Variants in CNTN4 observed in about 807,000 individuals in gnomAD.
CNTN4 encodes contactin 4.
A neutral mutation model predicts 122.5 loss-of-function variants in CNTN4; 77 were observed. That is an observed-to-expected ratio of 0.63 (90% CI 0.52 to 0.76). The LOEUF (loss-of-function observed/expected upper bound fraction) is 0.76. Ranked by LOEUF, CNTN4 falls within the 30% of genes least tolerant of loss-of-function variation. The probability of loss-of-function intolerance (pLI) is 0.00; values close to 1 mark genes in which losing one functional copy is unlikely to be tolerated. For synonymous variants in CNTN4, 512 were observed against 447.0 expected (o/e 1.15, Z -1.83); for missense variants, 1,256 against 1,259.1 (o/e 1.00, Z 0.04).
chr3:2,641,115 C>A (rs2082878222), intron 4 of CNTN4, among the ~76,000 whole-genome samples: 2 of 152,070 alleles, frequency 1.3e-5, no homozygotes, highest in African/African-American at 4.8e-5. Context: ...ATGCTATATA[C>A]AACTTCAACT....
chr3:2,099,564 TG>T (rs1418123465), intron 1 of CNTN4: 1 of 153,690 alleles, frequency 6.5e-6, no homozygotes, highest in Admixed American at 6.5e-5. Flanking sequence ...GGCTGATGTC[TG>T]TGGCGCCCGC....
intron 9 of CNTN4, 89 bp downstream of exon 9, chr3:2,883,336 G>A (rs1189483205): frequency 9.5e-6 from 9 of 951,094 alleles, no homozygotes; most frequent in African/African-American, 3.3e-5. Context: ...GATGGTTTCT[G>A]AGGTGACGGA....
chr3:2,632,104 G>GTATGTA (rs1553597844), intron 4 of CNTN4, among the ~76,000 whole-genome samples: 2 of 150,370 alleles, frequency 1.3e-5, no homozygotes, highest in African/African-American at 2.4e-5. Flanking sequence ...ATGTATGTAT[G>GTATGTA]TATATATATA....
intron 3 of CNTN4, among the ~76,000 whole-genome samples, chr3:2,464,597 G>T (rs766319266): frequency 6.6e-6 from 1 of 152,134 alleles, no homozygotes; most frequent in South Asian, 2.1e-4. Flanking sequence ...GATCACAATC[G>T]CCTGGGGACG....
intron 7 of CNTN4, among the ~76,000 whole-genome samples, chr3:2,830,746 T>C (rs902760243): frequency 4.6e-5 from 7 of 152,296 alleles, no homozygotes; most frequent in Admixed American, 1.3e-4. Context: ...CTGCTGGAAA[T>C]ATACCCTGTG....
intron 2 of CNTN4, among the ~76,000 whole-genome samples, chr3:2,187,620 C>T (rs556156677): frequency 5.3e-5 from 8 of 152,200 alleles, no homozygotes; most frequent in Admixed American, 3.3e-4. Context: ...TGCCGGGTTC[C>T]GTCTTAGTTG....
intron 2 of CNTN4, among the ~76,000 whole-genome samples, chr3:2,178,326 A>G (rs1196526196): frequency 6.6e-6 from 1 of 152,106 alleles, no homozygotes; most frequent in Non-Finnish European, 1.5e-5. Flanking sequence ...TCAAAGAATT[A>G]TAGAAACGTT....
At chr3:2,920,859 GGAA>G (rs937962439) in intron 12 of CNTN4, among the ~76,000 whole-genome samples, 12 of 152,086 alleles carry the variant, frequency 7.9e-5, no homozygotes, top group Admixed American at 2.6e-4. Flanking sequence ...AGCTGCCCGT[GGAA>G]GAAGCATTAT....
At chr3:2,300,636 G>T (rs188146271) in intron 2 of CNTN4, among the ~76,000 whole-genome samples, 1 of 132,226 alleles carries the variant, frequency 7.6e-6, no homozygotes, top group African/African-American at 2.9e-5. Context: ...CAGTGGCACA[G>T]TCTCGGCTCA....
chr3:2,668,874 T>C (rs1011224865), intron 4 of CNTN4, among the ~76,000 whole-genome samples: 14 of 152,224 alleles, frequency 9.2e-5, no homozygotes, highest in African/African-American at 3.4e-4. Flanking sequence ...GTTGGTTCTG[T>C]TTATATGCTG....
rs2094359417 is a variant in CNTN4, at chr3:2,916,625, C to CT, written c.1208-9003dup. Among the ~76,000 whole-genome samples, 2 of 123,206 alleles carry CT rather than the reference C, an allele frequency of 1.6e-5. 1 individual carries two copies. The highest frequency in any genetic ancestry group is 3.5e-5 in the Non-Finnish European group (2 of 57,834). The allele number at this position is 123,206 out of a possible 152,430, so 80.8% of individuals were successfully genotyped here. A position where few individuals can be genotyped will look rare whatever the true frequency, so the allele number is the denominator to read the frequency against. ...CTTTCTACACAGACACAGCAACAAT[C>CT]TGATTTCTCTTTCCTTTCCCCACAC... is the stretch of plus-strand genomic sequence containing the variant. On this transcript the variant is annotated intron_variant, in intron 12 of 24. Transcript: ENST00000418658.
At chr3:2,229,529 T>C (rs2039406567) in intron 2 of CNTN4, among the ~76,000 whole-genome samples, 2 of 152,206 alleles carry the variant, frequency 1.3e-5, no homozygotes. Flanking sequence ...CGAATATTCA[T>C]ATAGTTACGT....
intron 6 of CNTN4, among the ~76,000 whole-genome samples, chr3:2,762,142 C>T (rs143889364): frequency 9.5e-4 from 144 of 152,146 alleles, no homozygotes; most frequent in Middle Eastern, 3.4e-3. Flanking sequence ...CTTGAAGGAA[C>T]GAAGGGCAGA....
chr3:2,572,918 C>G (rs1183842376), intron 4 of CNTN4, among the ~76,000 whole-genome samples: 1 of 152,140 alleles, frequency 6.6e-6, no homozygotes, highest in Admixed American at 6.5e-5. Flanking sequence ...TCATTCTATG[C>G]TAGGCAATAT....
intron 5 of CNTN4, among the ~76,000 whole-genome samples, chr3:2,744,875 G>A (rs1284566037): frequency 2.6e-5 from 4 of 152,164 alleles, no homozygotes; most frequent in Non-Finnish European, 5.9e-5. Flanking sequence ...CAAAAAACCT[G>A]TCTTTGCCCC....
chr3:2,302,351 C>T (rs1161500917), intron 2 of CNTN4, among the ~76,000 whole-genome samples: 4 of 152,102 alleles, frequency 2.6e-5, no homozygotes, highest in Admixed American at 2.0e-4. Flanking sequence ...TCACTTGAAC[C>T]CAGGAGGTGG....
intron 8 of CNTN4, among the ~76,000 whole-genome samples, chr3:2,882,550 A>T (rs937332209): frequency 6.6e-6 from 1 of 152,166 alleles, no homozygotes; most frequent in Non-Finnish European, 1.5e-5. Context: ...GGTGTAACTT[A>T]AATGTTTTCT....
At chr3:2,487,049 C>G in intron 3 of CNTN4, among the ~76,000 whole-genome samples, 1 of 151,990 alleles carries the variant, frequency 6.6e-6, no homozygotes, top group Non-Finnish European at 1.5e-5. Context: ...CTACCTTCTC[C>G]CCACTTTTTT....
At chr3:2,986,513 C>T (rs1394322068) in intron 13 of CNTN4, among the ~76,000 whole-genome samples, 1 of 152,192 alleles carries the variant, frequency 6.6e-6, no homozygotes, top group Non-Finnish European at 1.5e-5. Flanking sequence ...TAGATCTGGA[C>T]CGGGTCTTCA....
Sources: gnomAD v4.1 joint callset for allele counts (sites outside exome capture counted in the v4.1 genomes callset) on GRCh38, gnomAD v4.1.1 for gene constraint, MANE v1.5 for transcripts, NCBI Gene and HGNC (gene_info 2026-07-23, HGNC 2026-07-21) for gene names.